The following AIM2 variants were observed in gnomAD, a reference collection of about 807,000 sequenced individuals.
AIM2 encodes absent in melanoma 2.
A neutral mutation model predicts 27.7 loss-of-function variants in AIM2; 30 were observed. The observed-to-expected ratio is 1.08, with a 90% CI of 0.81 to 1.47. The LOEUF (loss-of-function observed/expected upper bound fraction) is 1.47, where lower values mean the gene tolerates loss of function less well. Among genes scored for constraint, AIM2 ranks in the 40% most tolerant of loss-of-function variants. The pLI, the probability that AIM2 is intolerant of heterozygous loss-of-function variation, is 0.00. For synonymous variants in AIM2, 141 were observed against 145.3 expected (o/e 0.97, Z 0.21); for missense variants, 358 against 411.3 (o/e 0.87, Z 1.12).
At chr1:159,121,324 A>G (rs1237851370) in intron 1 of AIM2, among the ~76,000 whole-genome samples, 1 of 152,206 alleles carries the variant, frequency 6.6e-6, no homozygotes, top group East Asian at 1.9e-4. Context: ...ATCTTACTCA[A>G]TACTACTGCT....
chr1:159,137,526 G>A (rs1371906607), intron 1 of AIM2, among the ~76,000 whole-genome samples: 1 of 152,046 alleles, frequency 6.6e-6, no homozygotes, highest in East Asian at 1.9e-4. Context: ...GCATGTTGGT[G>A]CGCGTCTGTA....
chr1:159,123,840 G>A (rs1333617302), intron 1 of AIM2, among the ~76,000 whole-genome samples: 13 of 152,164 alleles, frequency 8.5e-5, no homozygotes. Flanking sequence ...GCCACATATA[G>A]TCAAAAGAAG....
intron 1 of AIM2, chr1:159,122,326 T>G (rs897901420): frequency 5.9e-5 from 9 of 152,252 alleles, no homozygotes; most frequent in African/African-American, 2.2e-4. Flanking sequence ...TCTGGCCATC[T>G]ATCTTCAAGA....
chr1:159,084,099 T>G (rs2102002158), intron 1 of AIM2, among the ~76,000 whole-genome samples: 1 of 152,246 alleles, frequency 6.6e-6, no homozygotes, highest in South Asian at 2.1e-4. Context: ...GGGAACAGAG[T>G]TTAAAGAAGT....
intron 1 of AIM2, among the ~76,000 whole-genome samples, chr1:159,091,522 G>A (rs1192088993): frequency 6.6e-6 from 1 of 152,206 alleles, no homozygotes; most frequent in Non-Finnish European, 1.5e-5. Context: ...TATGCTTGAG[G>A]ATGGCCAGCA....
chr1:159,137,230 TATA>T (rs1648026299), intron 1 of AIM2, among the ~76,000 whole-genome samples: 1 of 152,172 alleles, frequency 6.6e-6, no homozygotes. Context: ...TTTTTGTTGT[TATA>T]ATGATTGGGG....
At chr1:159,066,420 G>A in intron 3 of AIM2, 91 bp from the exon 4 acceptor site, 1 of 1,331,238 alleles carries the variant, frequency 7.5e-7, no homozygotes, top group South Asian at 1.5e-5. Flanking sequence ...ACCTCAGAAA[G>A]CCAGCAGAAG....
chr1:159,140,732 T>C (rs1321007016), upstream of AIM2, among the ~76,000 whole-genome samples: 1 of 151,990 alleles, frequency 6.6e-6, no homozygotes, highest in East Asian at 1.9e-4. Context: ...CATCACACAA[T>C]CTGACCAAGC....
At chr1:159,122,596 G>A (rs1344200510) in intron 1 of AIM2, among the ~76,000 whole-genome samples, 2 of 152,144 alleles carry the variant, frequency 1.3e-5, no homozygotes, top group African/African-American at 4.8e-5. Context: ...ACAGTCCTGG[G>A]ATCCACTTGT....
downstream of AIM2, among the ~76,000 whole-genome samples, chr1:159,061,518 G>A (rs189273629): frequency 1.8e-3 from 267 of 149,980 alleles, 1 homozygote; most frequent in African/African-American, 5.6e-3. Context: ...TCAGCCTCCC[G>A]AGTAGCTGGG....
the AIM2 span, chr1:159,055,108 TC>T: frequency 7.9e-6 from 3 of 378,716 alleles, no homozygotes; most frequent in Non-Finnish European, 1.4e-5. Flanking sequence ...ATCTACAACT[TC>T]TATAATTTGA....
intron 1 of AIM2, among the ~76,000 whole-genome samples, chr1:159,121,927 CAAATCAAACAGA>C (rs1340391279): frequency 6.6e-6 from 1 of 152,102 alleles, no homozygotes; most frequent in African/African-American, 2.4e-5. Flanking sequence ...CCCATGCAGT[CAAATCAAACAGA>C]AAAATAAAAT....
At chr1:159,129,255 C>T (rs747798820) in intron 1 of AIM2, among the ~76,000 whole-genome samples, 4 of 152,190 alleles carry the variant, frequency 2.6e-5, no homozygotes, top group Non-Finnish European at 4.4e-5. Flanking sequence ...AATCTGCTTA[C>T]ATCTTGACCT....
chr1:159,068,864 A>G (rs1330765666), intron 2 of AIM2, among the ~76,000 whole-genome samples, 163 bp from the exon 3 acceptor site: 2 of 152,170 alleles, frequency 1.3e-5, no homozygotes, highest in African/African-American at 4.8e-5. Context: ...AAGAAACTGG[A>G]CCTGGCACAG....
Position 159,070,616 on chromosome 1 carries a change from C to T in AIM2, c.263-1915G>A, listed in dbSNP as rs188970007. On this transcript the variant is annotated intron_variant, in intron 2 of 5. Transcript: ENST00000368130. ...CTGGACTGAAATAGCAAGGCAATCA[C>T]TGATTTTACTAAAAAGAGAAACGAT... Among the ~76,000 whole-genome samples the T allele has an allele frequency of 1.8e-4, 28 of 152,304 alleles. No homozygotes were observed. In the East Asian group the frequency reaches 5.2e-3, roughly 28 times the overall value.
At chr1:159,120,304 C>T (rs1369707282) in intron 1 of AIM2, among the ~76,000 whole-genome samples, 1 of 152,166 alleles carries the variant, frequency 6.6e-6, no homozygotes, top group African/African-American at 2.4e-5. Flanking sequence ...GCAAAAGACA[C>T]TTAATATAAT....
At chr1:159,111,898 C>T (rs967310492) in intron 1 of AIM2, among the ~76,000 whole-genome samples, 3 of 150,572 alleles carry the variant, frequency 2.0e-5, no homozygotes, top group Admixed American at 6.6e-5. Context: ...ATATATTAGC[C>T]GAGCATGGTG....
intron 1 of AIM2, among the ~76,000 whole-genome samples, chr1:159,089,179 G>T (rs1193087185): frequency 6.6e-6 from 1 of 152,178 alleles, no homozygotes; most frequent in Non-Finnish European, 1.5e-5. Flanking sequence ...TTCTGACCTA[G>T]GTGCTTATAA....
rs1332942346 is a variant in AIM2 at position 159,070,729 on chromosome 1, ACTGT to A, written c.263-2032_263-2029del. Among the ~76,000 whole-genome samples, 10 of 152,374 alleles carry A rather than the reference ACTGT, an allele frequency of 6.6e-5. No homozygotes were observed. In the East Asian group the frequency reaches 1.7e-3, roughly 26 times the overall value. On this transcript the variant is annotated intron_variant, in intron 2 of 5. Coordinates refer to ENST00000368130, the MANE Select transcript of AIM2 (RefSeq NM_004833.3). ...CCTTTCAAAGATCAGAAAGTGGTTG[ACTGT>A]CTGACAGGGATATTGTAGCAGGATC...
Sources: allele counts gnomAD v4.1 joint callset (sites outside exome capture counted in the v4.1 genomes callset), GRCh38; gene constraint gnomAD v4.1.1; transcripts MANE v1.5; gene names NCBI Gene and HGNC (gene_info 2026-07-23, HGNC 2026-07-21).